The following RAE1 variants were observed in gnomAD, a reference collection of about 807,000 sequenced individuals.
RAE1 encodes ribonucleic acid export 1.
RAE1 carries 13 observed loss-of-function variants against 52.7 expected under a neutral mutation model. The ratio of observed to expected loss-of-function variants is 0.25; its 90% CI spans 0.16 to 0.39. RAE1 has a LOEUF of 0.39. RAE1 is among the 10% of genes least tolerant of loss of function. The probability of loss-of-function intolerance (pLI) is 1.00; values close to 1 mark genes in which losing one functional copy is unlikely to be tolerated. For missense variants in RAE1, 262 were observed against 459.8 expected, an observed-to-expected ratio of 0.57 and a Z score of 3.93; for synonymous variants, 164 against 153.1, an observed-to-expected ratio of 1.07 and a Z score of -0.52.
chr20:57,367,776 A>C (rs1402300091), intron 7 of RAE1, among the ~76,000 whole-genome samples: 1 of 151,468 alleles, frequency 6.6e-6, no homozygotes, highest in African/African-American at 2.4e-5. Flanking sequence ...AAAGAAATGG[A>C]ACTTTCTCCA....
chr20:57,373,374 C>A, intron 8 of RAE1, 101 bp from the exon 9 acceptor site: 1 of 1,147,222 alleles, frequency 8.7e-7, no homozygotes, highest in Non-Finnish European at 1.3e-6. Context: ...TTTTCTGGTT[C>A]TTCTAAAACC....
At chr20:57,361,950 G>A (rs2066897351) in intron 4 of RAE1, among the ~76,000 whole-genome samples, 2 of 152,240 alleles carry the variant, frequency 1.3e-5, no homozygotes, top group Admixed American at 6.5e-5. Flanking sequence ...CCTGAGCTCC[G>A]CCTCCTGTCA....
chr20:57,363,444 C>T (rs1326842358), intron 4 of RAE1, among the ~76,000 whole-genome samples: 1 of 152,124 alleles, frequency 6.6e-6, no homozygotes, highest in Non-Finnish European at 1.5e-5. Context: ...TCCCAGGAGA[C>T]TGAGGCTGCA....
intron 7 of RAE1, among the ~76,000 whole-genome samples, chr20:57,368,353 G>C (rs2066987561): frequency 6.6e-6 from 1 of 152,188 alleles, no homozygotes; most frequent in Non-Finnish European, 1.5e-5. Flanking sequence ...TTTGAGTAAA[G>C]GATATGAACT....
chr20:57,363,021 AT>A (rs1176701427), intron 4 of RAE1, among the ~76,000 whole-genome samples: 5 of 152,112 alleles, frequency 3.3e-5, no homozygotes, highest in African/African-American at 1.2e-4. Flanking sequence ...GCTCAAAGTG[AT>A]CCACCCGCCT....
At chr20:57,366,930 A>G (rs1312734513) in intron 6 of RAE1, 37 bp downstream of exon 6, 1 of 1,588,030 alleles carries the variant, frequency 6.3e-7, no homozygotes, top group Non-Finnish European at 8.6e-7. Flanking sequence ...TGGCCCCATC[A>G]GGATTGTCAT....
At chr20:57,366,430 C>T (rs1300887494) in intron 5 of RAE1, among the ~76,000 whole-genome samples, 2 of 152,150 alleles carry the variant, frequency 1.3e-5, no homozygotes, top group Non-Finnish European at 2.9e-5. Context: ...GGAGATGGAG[C>T]AGGCACATCA....
Position 57,378,351 on chromosome 20 carries a change from G to C in RAE1, c.*252G>C, listed in dbSNP as rs1274560209. The C allele has an allele frequency of 3.7e-5, 16 of 430,524 alleles. No individual in the cohort carries two copies. The highest frequency in any genetic ancestry group is 6.3e-5 in the Non-Finnish European group (15 of 239,302). 26.7% of individuals were successfully genotyped at this position (430,524 alleles called of 1,614,324 possible). ...GGTTATTGTAGACGTTAGATTGCGG[G>C]CACCGCCAGGGATTTTGCAGCGCTT... On this transcript the variant is annotated 3_prime_UTR_variant, in exon 12 of 12. Transcript: ENST00000395841.
intron 4 of RAE1, chr20:57,358,906 TGGA>T (rs2066844136): frequency 7.6e-7 from 1 of 1,319,536 alleles, no homozygotes; most frequent in South Asian, 1.9e-5. Context: ...GTAGGCTTGT[TGGA>T]GTTTTTATTT....
At chr20:57,356,725 C>T (rs1353714999) in intron 4 of RAE1, among the ~76,000 whole-genome samples, 187 bp downstream of exon 4, 1 of 152,160 alleles carries the variant, frequency 6.6e-6, no homozygotes, top group Non-Finnish European at 1.5e-5. Flanking sequence ...TCTTTGAAAG[C>T]TTTTCTTGTA....
rs961552315 is a variant in RAE1, at chr20:57,351,304, G to A, written c.-126G>A. On this transcript the variant is annotated 5_prime_UTR_variant, in exon 1 of 12. Transcript: ENST00000395841. ...TCTACCGCAGGCTTAAGGAGGCTTC[G>A]GGCTCCTGGGATTTCTGTCCGCGCT... 6 of 985,346 alleles carry A rather than the reference G, an allele frequency of 6.1e-6. No homozygotes were observed. The African/African-American group carries it at 8.7e-5, about 14-fold the overall frequency. The allele number at this position is 985,346 out of a possible 1,614,324, so 61.0% of individuals were successfully genotyped here.
chr20:57,365,344 A>C lies in RAE1; in HGVS notation c.289-12A>C, dbSNP rs1301438365. On this transcript the variant is annotated splice_polypyrimidine_tract_variant and intron_variant, in intron 4 of 11. Transcript: ENST00000395841. ...TTTCTTAAAATGCAAAATTTTCTCC[A>C]TTTTATTTTAGGATGGGAGCAAAGT... 1 of 1,593,498 alleles carries C rather than the reference A, an allele frequency of 6.3e-7. No individual in the cohort carries two copies. The highest frequency in any genetic ancestry group is 8.6e-7 in the Non-Finnish European group (1 of 1,165,474).
At chr20:57,371,523 G>A (rs1034175093) in intron 8 of RAE1, 2 of 152,252 alleles carry the variant, frequency 1.3e-5, no homozygotes, top group South Asian at 4.1e-4. Flanking sequence ...CCATCTCCTA[G>A]CTGATGGGAC....
intron 4 of RAE1, among the ~76,000 whole-genome samples, chr20:57,361,040 T>C (rs1296932294): frequency 6.6e-6 from 1 of 152,096 alleles, no homozygotes; most frequent in Non-Finnish European, 1.5e-5. Flanking sequence ...CTTTGAGTGG[T>C]TAAGCTACAT....
chr20:57,352,401 G>A (rs1025441496), intron 1 of RAE1, among the ~76,000 whole-genome samples: 7 of 152,202 alleles, frequency 4.6e-5, no homozygotes, highest in African/African-American at 1.7e-4. Context: ...GCAGGGATGA[G>A]CTTGTTGTGT....
intron 7 of RAE1, 111 bp from the exon 8 acceptor site, chr20:57,368,594 A>G: frequency 1.6e-6 from 1 of 627,808 alleles, no homozygotes; most frequent in South Asian, 2.3e-5. Flanking sequence ...TAATCCCAGG[A>G]TTATTAAAAT....
In RAE1 at chr20:57,356,547, C is replaced by T. The variant is rs981795082; in HGVS notation, c.288+9C>T. The T allele has an allele frequency of 1.9e-6, 3 of 1,599,994 alleles. No homozygotes were observed. Among genetic ancestry groups the T allele is most frequent in the Non-Finnish European group, 2.6e-6 (3 of 1,168,578 alleles). On this transcript the variant is annotated intron_variant, in intron 4 of 11. Transcript: ENST00000395841. ...ATGTCTGCTGGAGTGACGTACGTTC[C>T]CTTCCATTTCTCGTGTTCCATTTTA...
intron 5 of RAE1, among the ~76,000 whole-genome samples, chr20:57,366,259 GT>G (rs1332333373): frequency 6.6e-6 from 1 of 152,152 alleles, no homozygotes; most frequent in Non-Finnish European, 1.5e-5. Flanking sequence ...TAAATTGACT[GT>G]TTTGATTATG....
In RAE1 at chr20:57,368,694, C is replaced by T. The variant is rs754154825; in HGVS notation, c.535-11C>T. ...ACCTGAAGCGCATCTCTGTTTTCTT[C>T]CATTCCCTAGATATACCCCATGGCT... On this transcript the variant is annotated splice_polypyrimidine_tract_variant and intron_variant, in intron 7 of 11. Coordinates refer to ENST00000395841, the MANE Select transcript of RAE1 (RefSeq NM_003610.4). The T allele has an allele frequency of 1.9e-6, 3 of 1,590,784 alleles. No homozygotes were observed. Among genetic ancestry groups the T allele is most frequent in the Admixed American group, 3.3e-5 (2 of 59,838 alleles).
Sources: gnomAD v4.1 joint callset for allele counts (sites outside exome capture counted in the v4.1 genomes callset) on GRCh38, gnomAD v4.1.1 for gene constraint, MANE v1.5 for transcripts, NCBI Gene and HGNC (gene_info 2026-07-23, HGNC 2026-07-21) for gene names.